Variants in RFX7 observed in about 807,000 individuals in gnomAD.
RFX7 encodes the protein regulatory factor X7.
Under a neutral mutation model 111.8 loss-of-function variants are expected in RFX7, and 26 were observed. That is an observed-to-expected ratio of 0.23 (90% CI 0.17 to 0.32). The LOEUF (loss-of-function observed/expected upper bound fraction) is 0.32. Ranked by LOEUF, RFX7 falls within the 10% of genes least tolerant of loss-of-function variation. The probability of loss-of-function intolerance (pLI) is 1.00; values close to 1 mark genes in which losing one functional copy is unlikely to be tolerated. For missense variants in RFX7, 1,573 were observed against 1,772.9 expected (o/e 0.89, Z 2.02); for synonymous variants, 624 against 624.4 (o/e 1.00, Z 0.01).
chr15:56,127,483 G>A (rs1198085586), intron 5 of RFX7, among the ~76,000 whole-genome samples: 6 of 147,952 alleles, frequency 4.1e-5, no homozygotes, highest in Non-Finnish European at 8.9e-5. Context: ...CTAGTGGAAA[G>A]AAATATAATA....
intron 3 of RFX7, among the ~76,000 whole-genome samples, chr15:56,146,109 G>A (rs754561706): frequency 1.3e-5 from 2 of 151,342 alleles, no homozygotes; most frequent in Non-Finnish European, 2.9e-5. Context: ...TTGTCAAATT[G>A]TTTTTTTTAA....
In RFX7 at chr15:56,098,322, G is replaced by C; in HGVS notation, c.866C>G (p.Ser289Cys). The C allele has an allele frequency of 6.2e-7, 1 of 1,612,640 alleles. No individual in the cohort carries two copies. The highest frequency in any genetic ancestry group is 8.5e-7 in the Non-Finnish European group (1 of 1,179,096). Residue 289 changes from serine (S) to cysteine (C), a missense_variant, in exon 9 of 10, where the codon TCC becomes TGC. By Grantham distance (112) the Ser-to-Cys change is moderately radical. Coordinates refer to ENST00000559447, the MANE Select transcript of RFX7 (RefSeq NM_022841.7). ...CAAAGTCTTCACCTGAGGCTGAAAG[G>C]AATTACTTTCAGCTGTAGGTATAAA... Reference protein sequence around the residue: ...SAFIPTAESNSFQPQVKTLPS... With the variant: ...SAFIPTAESNCFQPQVKTLPS...
chr15:56,143,722 T>G (rs2042432535), intron 4 of RFX7, among the ~76,000 whole-genome samples: 2 of 152,102 alleles, frequency 1.3e-5, no homozygotes, highest in Non-Finnish European at 2.9e-5. Flanking sequence ...TGATAAAAGT[T>G]GGTCTGAGGG....
At chr15:56,114,341 G>C (rs570338035) in intron 5 of RFX7, among the ~76,000 whole-genome samples, 1 of 150,474 alleles carries the variant, frequency 6.6e-6, no homozygotes, top group African/African-American at 2.4e-5. Flanking sequence ...AACCCGGGAG[G>C]TGGAGGTTGC....
chr15:56,163,889 A>C (rs952931344), intron 3 of RFX7, among the ~76,000 whole-genome samples: 16 of 152,270 alleles, frequency 1.1e-4, no homozygotes, highest in Non-Finnish European at 2.1e-4. Flanking sequence ...TGGGTCCCCA[A>C]CCCTGTAAAG....
intron 2 of RFX7, among the ~76,000 whole-genome samples, chr15:56,241,855 A>C (rs2043693367): frequency 1.3e-5 from 2 of 152,324 alleles, no homozygotes; most frequent in African/African-American, 2.4e-5. Context: ...TGAAAGCAAG[A>C]TACTCAACTG....
chr15:56,134,726 G>A (rs1595952939), intron 5 of RFX7, among the ~76,000 whole-genome samples: 1 of 149,580 alleles, frequency 6.7e-6, no homozygotes, highest in African/African-American at 2.5e-5. Flanking sequence ...CCACTAACTC[G>A]TCATCTAGCA....
intron 2 of RFX7, among the ~76,000 whole-genome samples, chr15:56,241,455 T>A (rs1265517974): frequency 6.6e-6 from 1 of 152,172 alleles, no homozygotes; most frequent in Non-Finnish European, 1.5e-5. Context: ...ATTCAACTTT[T>A]AAAATTTGTC....
chr15:56,098,189 T>G lies in RFX7; in HGVS notation c.999A>C (p.Ser333=), dbSNP rs1263727155. 1 of 1,614,014 alleles carries G rather than the reference T, an allele frequency of 6.2e-7. No individual in the cohort carries two copies. The highest frequency in any genetic ancestry group is 1.7e-5 in the Admixed American group (1 of 60,026). The change falls in exon 9 of 10, where the codon TCA becomes TCC. Residue 333 remains serine, a synonymous_variant. Coordinates refer to ENST00000559447, the MANE Select transcript of RFX7 (RefSeq NM_022841.7). ...TCACTCCATTGCTTGTAGCACTTTCTGACTTTTTTGCTGCAGATTCTCCTG... is the reference window on the plus strand; with the variant it reads ...TCACTCCATTGCTTGTAGCACTTTCGGACTTTTTTGCTGCAGATTCTCCTG... ...PLPGESAAKK[S]ESATSNGVTN...
intron 3 of RFX7, among the ~76,000 whole-genome samples, chr15:56,167,484 T>G (rs1319448617): frequency 6.6e-6 from 1 of 152,156 alleles, no homozygotes. Flanking sequence ...GGTAAAATAT[T>G]ACCCTCACTA....
intron 3 of RFX7, among the ~76,000 whole-genome samples, chr15:56,145,771 G>T (rs2042459929): frequency 6.6e-6 from 1 of 152,076 alleles, no homozygotes; most frequent in South Asian, 2.1e-4. Flanking sequence ...TCTTCTTCCA[G>T]TCTCGATTTT....
In RFX7 at chr15:56,106,797, C is replaced by T. The variant is rs561914080; in HGVS notation, c.402-3127G>A. On this transcript the variant is annotated intron_variant, in intron 5 of 9. Transcript: ENST00000559447. The stretch of plus-strand genomic sequence containing the variant: ...TTACATAATATTTATTCAATTTTGT[C>T]CTATATAACAAACCATTGGTCATTC... Among the ~76,000 whole-genome samples the T allele has an allele frequency of 2.0e-5, 3 of 152,176 alleles. No individual in the cohort carries two copies. In the South Asian group the frequency reaches 6.2e-4, roughly 32 times the overall value.
intron 8 of RFX7, among the ~76,000 whole-genome samples, chr15:56,099,550 GA>G (rs1224387154): frequency 1.3e-5 from 2 of 152,006 alleles, no homozygotes; most frequent in Non-Finnish European, 2.9e-5. Flanking sequence ...CCAGGGTTTT[GA>G]GACAGGAATG....
intron 5 of RFX7, among the ~76,000 whole-genome samples, chr15:56,119,505 G>C (rs145153973): frequency 3.3e-5 from 5 of 151,988 alleles, no homozygotes; most frequent in African/African-American, 4.8e-5. Flanking sequence ...GGCTGGGTGC[G>C]GTGGCTCACG....
Position 56,221,306 on chromosome 15 carries a change from A to G in RFX7, c.161+21819T>C, listed in dbSNP as rs28792410. 2.7e-3 allele frequency among the ~76,000 whole-genome samples: 412 copies of G among 152,320 alleles called. 1 individual carries two copies. Among genetic ancestry groups the G allele is most frequent in the African/African-American group, 9.4e-3 (390 of 41,550 alleles). On this transcript the variant is annotated intron_variant, in intron 2 of 9. Coordinates refer to ENST00000559447, the MANE Select transcript of RFX7 (RefSeq NM_022841.7). Reference sequence around the variant, plus strand: ...TAAAAAACATTAATTCTTCCTATACATGAGCATGGAATGTGTTTTTCCATT... The same window carrying G: ...TAAAAAACATTAATTCTTCCTATACGTGAGCATGGAATGTGTTTTTCCATT...
At chr15:56,105,255 G>A (rs60409860) in intron 5 of RFX7, among the ~76,000 whole-genome samples, 4,560 of 152,198 alleles carry the variant, frequency 0.03, 261 homozygotes, top group African/African-American at 0.1. Flanking sequence ...CCCTCATCAT[G>A]TTCCCTATCA....
intron 3 of RFX7, among the ~76,000 whole-genome samples, chr15:56,173,706 A>G (rs1341327807): frequency 6.6e-6 from 1 of 152,152 alleles, no homozygotes; most frequent in Non-Finnish European, 1.5e-5. Flanking sequence ...AGGCAGGAGA[A>G]TCGCTTGAAC....
At chr15:56,203,356 A>G (rs1222668760) in intron 2 of RFX7, among the ~76,000 whole-genome samples, 1 of 152,182 alleles carries the variant, frequency 6.6e-6, no homozygotes, top group Non-Finnish European at 1.5e-5. Context: ...AAATTTAGGA[A>G]TTGCTGGGTT....
At chr15:56,243,409 G>C in intron 1 of RFX7, 36 bp downstream of exon 1, 3 of 1,092,286 alleles carry the variant, frequency 2.7e-6, no homozygotes, top group Non-Finnish European at 3.5e-6. Flanking sequence ...AAGAGGAGGA[G>C]GAGGAGGAAG....
Sources: allele counts gnomAD v4.1 joint callset (sites outside exome capture counted in the v4.1 genomes callset), GRCh38; gene constraint gnomAD v4.1.1; transcripts MANE v1.5; gene names NCBI Gene and HGNC (gene_info 2026-07-23, HGNC 2026-07-21).